Variants in LTF observed in about 807,000 individuals in gnomAD.
LTF encodes lactotransferrin, also known as epididymis luminal protein 110.
A neutral mutation model predicts 87.2 loss-of-function variants in LTF; 91 were observed. That is an observed-to-expected ratio of 1.04 (90% CI 0.88 to 1.24). The LOEUF (loss-of-function observed/expected upper bound fraction) is 1.24. Among genes scored for constraint, LTF ranks in the 50% most tolerant of loss-of-function variants. LTF has a pLI of 0.00. For missense variants in LTF, 901 were observed against 904.3 expected (o/e 1.00, Z 0.05); for synonymous variants, 378 against 356.1 (o/e 1.06, Z -0.69).
chr3:46,457,302 A>G (rs1185166546), intron 2 of LTF, among the ~76,000 whole-genome samples: 3 of 152,248 alleles, frequency 2.0e-5, no homozygotes, highest in Admixed American at 2.0e-4. Flanking sequence ...ATGTTTTCTC[A>G]TAATGTGGGT....
At chr3:46,446,077 C>T (rs113280080) in intron 11 of LTF, among the ~76,000 whole-genome samples, 7 of 151,998 alleles carry the variant, frequency 4.6e-5, no homozygotes, top group Non-Finnish European at 7.4e-5. Context: ...CACGAGGACC[C>T]GGGGTCAAGA....
intron 1 of LTF, among the ~76,000 whole-genome samples, chr3:46,462,868 A>ACTCGGCTTG (rs368154104): frequency 5.7e-4 from 87 of 151,848 alleles, no homozygotes; most frequent in African/African-American, 2.0e-3. Flanking sequence ...GGAGAGAGTA[A>ACTCGGCTTG]AATGGAAGAC....
intron 1 of LTF, among the ~76,000 whole-genome samples, chr3:46,482,823 G>A (rs926072706): frequency 4.1e-5 from 6 of 145,968 alleles, no homozygotes; most frequent in African/African-American, 1.2e-4. Context: ...AAGAAAGAAA[G>A]AGAAAGGGAG....
intron 6 of LTF, 161 bp downstream of exon 6, chr3:46,454,144 A>T: frequency 2.8e-6 from 2 of 707,418 alleles, no homozygotes; most frequent in Non-Finnish European, 5.0e-6. Flanking sequence ...AAGAAAACTG[A>T]TCATTTAAAA....
chr3:46,473,511 T>C (rs1703319951), intron 1 of LTF, among the ~76,000 whole-genome samples: 1 of 152,262 alleles, frequency 6.6e-6, no homozygotes, highest in South Asian at 2.1e-4. Flanking sequence ...ACAAATGTAT[T>C]ATCTTACAAT....
chr3:46,455,888 G>T lies in LTF; in HGVS notation c.407C>A (p.Thr136Lys). The change falls in exon 4 of 17, where the codon ACA becomes AAA. Residue 136 changes from threonine (T) to lysine (K), a missense_variant. Physicochemically the swap from Thr to Lys is moderately conservative, Grantham distance 78. Coordinates refer to ENST00000231751, the MANE Select transcript of LTF (RefSeq NM_002343.6). ...CCATCCAGCGGTCCTGCGAAGGCCTGTGTGGCAGGACTTCAGACCTTGCAG... is the reference window on the plus strand; with the variant it reads ...CCATCCAGCGGTCCTGCGAAGGCCTTTGTGGCAGGACTTCAGACCTTGCAG... The part of the protein sequence containing the change: ...NELQGLKSCH[T>K]GLRRTAGWNV... The T allele has an allele frequency of 6.2e-7, 1 of 1,613,812 alleles. No homozygotes were observed. Among genetic ancestry groups the T allele is most frequent in the Non-Finnish European group, 8.5e-7 (1 of 1,179,876 alleles).
At chr3:46,446,357 T>TG (rs1308856859) in intron 11 of LTF, 83 bp downstream of exon 11, 38 of 1,156,828 alleles carry the variant, frequency 3.3e-5, no homozygotes, top group Non-Finnish European at 4.5e-5. Flanking sequence ...CAATTCTTTC[T>TG]GTTTTTTTTA....
intron 1 of LTF, among the ~76,000 whole-genome samples, chr3:46,475,598 C>G (rs1418163236): frequency 6.6e-6 from 1 of 151,714 alleles, no homozygotes; most frequent in Non-Finnish European, 1.5e-5. Context: ...AACTCTATGG[C>G]CCTGCAAGGC....
chr3:46,444,273 A>G (rs1702593017), intron 12 of LTF, among the ~76,000 whole-genome samples: 1 of 152,118 alleles, frequency 6.6e-6, no homozygotes, highest in South Asian at 2.1e-4. Context: ...CAGGTTCCAG[A>G]CCCCATATTG....
chr3:46,482,419 G>A lies in LTF; in HGVS notation c.-320+2567C>T, dbSNP rs1703443748. Reference sequence around the variant, plus strand: ...TGGGAGGTTGAGGCTGTAGTGAGCTGTGATCACACCATTGAACTCCAGCCT... The same window carrying A: ...TGGGAGGTTGAGGCTGTAGTGAGCTATGATCACACCATTGAACTCCAGCCT... On this transcript the variant is annotated intron_variant, in intron 1 of 19. Transcript: ENST00000443496. Among the ~76,000 whole-genome samples, 8 of 150,698 alleles carry A rather than the reference G, an allele frequency of 5.3e-5. No homozygotes were observed. In the Admixed American group the frequency reaches 5.3e-4, roughly 10 times the overall value.
At chr3:46,466,266 A>T (rs1238393218), upstream of LTF, among the ~76,000 whole-genome samples, 1 of 152,088 alleles carries the variant, frequency 6.6e-6, no homozygotes, top group African/African-American at 2.4e-5. Context: ...AAGGGTAACT[A>T]AGTGAAGAAA....
At chr3:46,452,072 CT>C in intron 6 of LTF, among the ~76,000 whole-genome samples, 1 of 152,012 alleles carries the variant, frequency 6.6e-6, no homozygotes, top group Non-Finnish European at 1.5e-5. Flanking sequence ...GATATAAACA[CT>C]GGAAGGAAAA....
In LTF at chr3:46,479,133, A is replaced by C. The variant is rs75149215; in HGVS notation, c.-320+5853T>G. Among the ~76,000 whole-genome samples, 1,059 of 152,364 alleles carry C rather than the reference A, an allele frequency of 7.0e-3. 3 individuals carry two copies. The highest frequency in any genetic ancestry group is 0.011 in the Non-Finnish European group (774 of 68,022). On this transcript the variant is annotated intron_variant, in intron 1 of 19. Transcript: ENST00000443496. ...CATGGACCACGGTAACAGAAGAAGC[A>C]TGGAGAACCACGCCTGTGCCCAAGG...
chr3:46,447,221 T>C (rs963629415), intron 10 of LTF, 87 bp downstream of exon 10: 23 of 899,432 alleles, frequency 2.6e-5, no homozygotes, highest in African/African-American at 4.9e-5. Context: ...ATCATAATGT[T>C]TCACCTGCAT....
At chr3:46,436,522 G>A (rs1246848979) in intron 16 of LTF, among the ~76,000 whole-genome samples, 1 of 152,200 alleles carries the variant, frequency 6.6e-6, no homozygotes, top group East Asian at 1.9e-4. Flanking sequence ...AAGTTCACAA[G>A]ACATTGGTGG....
In LTF at chr3:46,435,910, C is replaced by T. The variant is rs930454040; in HGVS notation, c.*285G>A. ...ACTGCAAGAAAGAGGAGGGGCTGGA[C>T]CTGAAAAACTTGGAAGGGAAGGTCC... On this transcript the variant is annotated 3_prime_UTR_variant, in exon 17 of 17. Coordinates refer to ENST00000231751, the MANE Select transcript of LTF (RefSeq NM_002343.6). The T allele has an allele frequency of 2.2e-6, 1 of 457,012 alleles. No homozygotes were observed. The highest frequency in any genetic ancestry group is 2.4e-5 in the South Asian group (1 of 41,418). The allele number at this position is 457,012 out of a possible 1,614,324, so 28.3% of individuals were successfully genotyped here.
rs1553668644 is a variant in LTF at position 46,482,716 on chromosome 3, G to GAA, written c.-320+2269_-320+2270insTT. ...GGAAGGAAGGAAGGAAAGAAAGAAA[G>GAA]AGAAAGAAAGGAAGGAAGGAAGGAA... On this transcript the variant is annotated intron_variant, in intron 1 of 19. Transcript: ENST00000443496. Among the ~76,000 whole-genome samples, 13 of 89,902 alleles carry GAA rather than the reference G, an allele frequency of 1.4e-4. 1 individual carries two copies. The highest frequency in any genetic ancestry group is 3.2e-4 in the African/African-American group (6 of 18,936). 59.0% of individuals were successfully genotyped at this position (89,902 alleles called of 152,430 possible).
chr3:46,455,378 C>G lies in LTF; in HGVS notation c.564G>C (p.Leu188=). Residue 188 remains leucine (L), a synonymous_variant, in exon 5 of 17, where the codon CTG becomes CTC. Coordinates refer to ENST00000231751, the MANE Select transcript of LTF (RefSeq NM_002343.6). ...PGADKGQFPN[L]CRLCAGTGEN... is the part of the protein sequence containing the mutation. ...CCCCTGTCCCCGCACACAGGCGACA[C>G]AGGTTGGGGAACTGTCCTTTATCTG... 1 of 1,614,232 alleles carries G rather than the reference C, an allele frequency of 6.2e-7. No homozygotes were observed. The highest frequency in any genetic ancestry group is 2.2e-5 in the East Asian group (1 of 44,886).
Position 46,482,512 on chromosome 3 carries a change from AG to A in LTF, c.-320+2473del, listed in dbSNP as rs1233795537. 2.6e-4 allele frequency among the ~76,000 whole-genome samples: 13 copies of A among 50,170 alleles called. 1 individual carries two copies. The highest frequency in any genetic ancestry group is 6.6e-4 in the African/African-American group (6 of 9,080). The allele number at this position is 50,170 out of a possible 152,430, so 32.9% of individuals were successfully genotyped here. ...AGGGAAGGGAAGGGAAGGGAAGGGA[AG>A]GGAAGGGAAGGGAAGGGAAGGGAAG... On this transcript the variant is annotated intron_variant, in intron 1 of 19. Transcript: ENST00000443496.
Sources: allele counts gnomAD v4.1 joint callset (sites outside exome capture counted in the v4.1 genomes callset), GRCh38; gene constraint gnomAD v4.1.1; transcripts MANE v1.5; gene names NCBI Gene and HGNC (gene_info 2026-07-23, HGNC 2026-07-21).